DDX60: variants seen among roughly 807,000 people sequenced by gnomAD.
DDX60 encodes the protein probable ATP-dependent RNA helicase DDX60.
A neutral mutation model predicts 212.8 loss-of-function variants in DDX60; 165 were observed. The ratio of observed to expected loss-of-function variants is 0.78; its 90% confidence interval spans 0.68 to 0.88. The LOEUF (loss-of-function observed/expected upper bound fraction) is 0.88, where lower values mean the gene tolerates loss of function less well. DDX60 is among the 40% of genes least tolerant of loss of function. The pLI is 0.00. For synonymous variants in DDX60, 703 were observed against 685.3 expected, an observed-to-expected ratio of 1.03 and a Z score of -0.40; for missense variants, 1,905 against 2,003.9, an observed-to-expected ratio of 0.95 and a Z score of 0.94.
chr4:168,257,739 C>T (rs988204870), intron 25 of DDX60, among the ~76,000 whole-genome samples: 3 of 152,146 alleles, frequency 2.0e-5, no homozygotes, highest in Non-Finnish European at 2.9e-5. Flanking sequence ...GAAAAAATAT[C>T]TCCAAATATG....
At chr4:168,321,501 C>T (rs1180594848), upstream of DDX60, among the ~76,000 whole-genome samples, 1 of 152,180 alleles carries the variant, frequency 6.6e-6, no homozygotes, top group Non-Finnish European at 1.5e-5. Context: ...ACAGCTGATA[C>T]CTTTTTTTCT....
In DDX60 at chr4:168,288,074, G is replaced by A. The variant is rs369614327; in HGVS notation, c.1183+100C>T. ...GAACAAAGATGAAAATAATTGCTAT[G>A]TTATATGTTGGAAGTACAGAAAAAT... is the stretch of plus-strand genomic sequence containing the variant. On this transcript the variant is annotated intron_variant, in intron 9 of 37. Coordinates refer to ENST00000393743, the MANE Select transcript of DDX60 (RefSeq NM_017631.6). The A allele has an allele frequency of 2.5e-5, 19 of 756,786 alleles. No homozygotes were observed. The East Asian group carries it at 2.8e-4, about 11-fold the overall frequency. 46.9% of individuals were successfully genotyped at this position (756,786 alleles called of 1,614,324 possible).
At chr4:168,232,595 A>G (rs1447251842) in intron 33 of DDX60, among the ~76,000 whole-genome samples, 1 of 152,096 alleles carries the variant, frequency 6.6e-6, no homozygotes, top group African/African-American at 2.4e-5. Flanking sequence ...ACCAAATGAA[A>G]ACATAAAATG....
chr4:168,229,866 C>T (rs573887908), intron 33 of DDX60, among the ~76,000 whole-genome samples: 1 of 152,210 alleles, frequency 6.6e-6, no homozygotes, highest in South Asian at 2.1e-4. Flanking sequence ...TAGTACCTCA[C>T]ATTTCAAAAC....
In DDX60 at chr4:168,302,320, AT is replaced by A; in HGVS notation, c.702del (p.Lys234AsnfsTer39). 6.4e-7 allele frequency: 1 copy of A among 1,555,580 alleles called. No individual in the cohort carries two copies. The highest frequency in any genetic ancestry group is 8.7e-7 in the Non-Finnish European group (1 of 1,143,668). On this transcript the variant is annotated frameshift_variant, in exon 6 of 38. Transcript: ENST00000393743. LOFTEE classifies it high-confidence loss of function. ...SALAPLFGSL[K>X]WNNITEEAHK... ...GTTACCTCTTCCGTAATATTATTCC[AT>A]TTTAAACTTCCAAAAAGAGGTGCTA... is the stretch of plus-strand genomic sequence containing the variant.
intron 22 of DDX60, among the ~76,000 whole-genome samples, chr4:168,267,182 T>C (rs1734883929): frequency 6.6e-6 from 1 of 152,194 alleles, no homozygotes; most frequent in Non-Finnish European, 1.5e-5. Flanking sequence ...AGTGAGAATG[T>C]CTTTTACCTG....
At position 168,279,931 on chromosome 4, in the gene DDX60, C is replaced by A. The variant is rs181646883; in HGVS notation, c.1978+404G>T. ...CATATAATCACAAAAGAATGGCAAC[C>A]TTCACAGAGACACTTTGATGAGTTA... On this transcript the variant is annotated intron_variant, in intron 14 of 37. Coordinates refer to ENST00000393743, the MANE Select transcript of DDX60 (RefSeq NM_017631.6). Among the ~76,000 whole-genome samples the A allele has an allele frequency of 7.0e-4, 106 of 152,230 alleles. 1 individual carries two copies. The highest frequency in any genetic ancestry group is 2.5e-3 in the African/African-American group (104 of 41,538).
chr4:168,318,616 C>A lies in DDX60; in HGVS notation c.-107+6G>T, dbSNP rs1737512952. On this transcript the variant is annotated splice_donor_region_variant and intron_variant, in intron 1 of 37. Transcript: ENST00000393743. The stretch of plus-strand genomic sequence containing the variant: ...CTCTTCCCAAGGGACATCCCCGGCT[C>A]CTCACCGCGGACTCAGGACCGGTGG... 1 of 152,394 alleles carries A rather than the reference C, an allele frequency of 6.6e-6. No homozygotes were observed. Among genetic ancestry groups the A allele is most frequent in the African/African-American group, 2.4e-5 (1 of 41,466 alleles). 9.4% of individuals were successfully genotyped at this position (152,394 alleles called of 1,614,324 possible). A position where few individuals can be genotyped will look rare whatever the true frequency, so the allele number is the denominator to read the frequency against.
intron 29 of DDX60, among the ~76,000 whole-genome samples, chr4:168,247,714 A>G (rs1205059416): frequency 6.6e-6 from 1 of 152,208 alleles, no homozygotes; most frequent in African/African-American, 2.4e-5. Context: ...TTGCAAGGCA[A>G]AAATCAAATA....
At chr4:168,284,324 G>A (rs930863084) in intron 12 of DDX60, among the ~76,000 whole-genome samples, 19 of 152,096 alleles carry the variant, frequency 1.2e-4, no homozygotes, top group Non-Finnish European at 2.1e-4. Flanking sequence ...ACGGGGCTGG[G>A]GGTAAGCATA....
intron 13 of DDX60, among the ~76,000 whole-genome samples, chr4:168,282,426 C>T (rs933355857): frequency 1.2e-4 from 18 of 152,188 alleles, no homozygotes; most frequent in African/African-American, 4.3e-4. Context: ...CCAAAATTTT[C>T]GCAAAAGTAA....
rs150120023 is a variant in DDX60, at chr4:168,291,847, G to A, written c.942C>T (p.Leu314=). ...EMEDLCKLHC[L]TVVFLLHLPL... is the part of the protein sequence containing the mutation. The stretch of plus-strand genomic sequence containing the variant: ...GCAGATGGAGTAGAAAAACCACAGT[G>A]AGACAATGCAGTTTACACAAATCTT... The change falls in exon 8 of 38, where the codon CTC becomes CTT. Residue 314 remains leucine, a synonymous_variant. Coordinates refer to ENST00000393743, the MANE Select transcript of DDX60 (RefSeq NM_017631.6). The A allele has an allele frequency of 6.2e-7, 1 of 1,613,562 alleles. No homozygotes were observed. Among genetic ancestry groups the A allele is most frequent in the African/African-American group, 1.3e-5 (1 of 74,890 alleles).
intron 13 of DDX60, among the ~76,000 whole-genome samples, chr4:168,281,262 A>C (rs1398521486): frequency 6.6e-6 from 1 of 152,148 alleles, no homozygotes; most frequent in Non-Finnish European, 1.5e-5. Context: ...GTCCTCTTCC[A>C]TTCTTCCCAC....
intron 33 of DDX60, among the ~76,000 whole-genome samples, chr4:168,226,039 G>A (rs1220630840): frequency 6.6e-6 from 1 of 152,010 alleles, no homozygotes; most frequent in African/African-American, 2.4e-5. Context: ...ACATTTGCAT[G>A]CCTAGAGTAA....
Position 168,284,838 on chromosome 4 carries a change from A to G in DDX60, c.1543T>C (p.Ser515Pro). The change falls in exon 12 of 38, where the codon TCC (serine) becomes CCC (proline). Residue 515 changes from serine to proline, a missense_variant. Coordinates refer to ENST00000393743, the MANE Select transcript of DDX60 (RefSeq NM_017631.6). ...HKPLSDDYDR[S>P]RCQFDEKSRD... ...AGCTTACCATCAAACTGACACCTGG[A>G]CCTGTCATAATCATCACTCAGGGGT... is the stretch of plus-strand genomic sequence containing the variant. The G allele has an allele frequency of 6.4e-7, 1 of 1,557,590 alleles. No individual in the cohort carries two copies. The highest frequency in any genetic ancestry group is 1.8e-5 in the Admixed American group (1 of 56,986).
chr4:168,290,058 A>T (rs1239122233), intron 8 of DDX60, among the ~76,000 whole-genome samples: 3 of 152,146 alleles, frequency 2.0e-5, no homozygotes, highest in South Asian at 4.1e-4. Flanking sequence ...ATCAAGTTAC[A>T]TCTGTATTTT....
At chr4:168,239,375 A>G (rs1325910562) in intron 30 of DDX60, among the ~76,000 whole-genome samples, 1 of 148,770 alleles carries the variant, frequency 6.7e-6, no homozygotes, top group South Asian at 2.2e-4. Flanking sequence ...TGATAGAAGG[A>G]AGATAGATAG....
At position 168,287,809 on chromosome 4, in the gene DDX60, G is replaced by GA. The variant is rs1008354409; in HGVS notation, c.1183+364dup. Among the ~76,000 whole-genome samples the GA allele has an allele frequency of 7.9e-5, 12 of 151,818 alleles. 1 individual carries two copies. Among genetic ancestry groups the GA allele is most frequent in the African/African-American group, 2.9e-4 (12 of 41,444 alleles). On this transcript the variant is annotated intron_variant, in intron 9 of 37. Transcript: ENST00000393743. The stretch of plus-strand genomic sequence containing the variant: ...ATATATAAATTAGCCTTATCTTTTG[G>GA]AAAAAAATAAATTTTCTAAATATCT...
chr4:168,280,587 T>C lies in DDX60; in HGVS notation c.1726A>G (p.Thr576Ala). 6.2e-7 allele frequency: 1 copy of C among 1,605,042 alleles called. No homozygotes were observed. ...SGPKSKKAHE[T>A]KAEIIARENK... Reference sequence around the variant, plus strand: ...TCTCTAGCAATTATTTCAGCCTTGGTCTCCTGCCCCAAAGGAAAAAACATC... The same window carrying C: ...TCTCTAGCAATTATTTCAGCCTTGGCCTCCTGCCCCAAAGGAAAAAACATC... The change falls in exon 14 of 38, where the codon ACC becomes GCC. Residue 576 changes from threonine (T) to alanine (A), a missense_variant. Thr to Ala is a moderately conservative substitution (Grantham distance 58). Transcript: ENST00000393743.
Sources: gnomAD v4.1 joint callset for allele counts (sites outside exome capture counted in the v4.1 genomes callset) on GRCh38, gnomAD v4.1.1 for gene constraint, MANE v1.5 for transcripts, NCBI Gene and HGNC (gene_info 2026-07-23, HGNC 2026-07-21) for gene names.